Variants in TSHZ3 observed in about 807,000 individuals in gnomAD.
TSHZ3 encodes teashirt zinc finger homeobox 3.
A neutral mutation model predicts 64.5 loss-of-function variants in TSHZ3; 10 were observed. The observed-to-expected ratio is 0.16, with a 90% CI of 0.10 to 0.26. The LOEUF (loss-of-function observed/expected upper bound fraction) is 0.26. TSHZ3 is among the 10% of genes least tolerant of loss of function. The probability of loss-of-function intolerance (pLI) is 1.00; values close to 1 mark genes in which losing one functional copy is unlikely to be tolerated. For missense variants in TSHZ3, 1,242 were observed against 1,421.7 expected (o/e 0.87, Z 2.03); for synonymous variants, 608 against 593.1 (o/e 1.03, Z -0.36).
At chr19:31,172,272 G>A (rs1476493363) in intron 5 of TSHZ3, among the ~76,000 whole-genome samples, 4 of 152,112 alleles carry the variant, frequency 2.6e-5, no homozygotes, top group Non-Finnish European at 5.9e-5. Context: ...ATGCCTCAAT[G>A]TGCTCATCTG....
chr19:31,243,584 G>A (rs914387742), intron 1 of TSHZ3, among the ~76,000 whole-genome samples: 12 of 152,304 alleles, frequency 7.9e-5, no homozygotes, highest in Non-Finnish European at 1.0e-4. Flanking sequence ...CCTGCCGCCT[G>A]CATATGGGAT....
chr19:31,294,103 G>C (rs1049639464), intron 1 of TSHZ3, among the ~76,000 whole-genome samples: 1 of 152,178 alleles, frequency 6.6e-6, no homozygotes, highest in Non-Finnish European at 1.5e-5. Context: ...AAAACTTGGA[G>C]AGAAGATGTT....
chr19:31,332,623 T>A (rs1190910556), intron 1 of TSHZ3, among the ~76,000 whole-genome samples: 2 of 152,108 alleles, frequency 1.3e-5, no homozygotes, highest in African/African-American at 4.8e-5. Context: ...GACTCCAGTT[T>A]AGGGGACTGT....
At chr19:31,240,481 G>T (rs189727809) in intron 3 of TSHZ3, among the ~76,000 whole-genome samples, 2 of 152,016 alleles carry the variant, frequency 1.3e-5, no homozygotes, top group Admixed American at 6.6e-5. Flanking sequence ...ATTTGTTTCC[G>T]CATTTAATCT....
chr19:31,291,191 C>T (rs1170764876), intron 1 of TSHZ3, among the ~76,000 whole-genome samples: 1 of 152,174 alleles, frequency 6.6e-6, no homozygotes, highest in African/African-American at 2.4e-5. Flanking sequence ...AAGCCCCAGC[C>T]GGTTCAGAAG....
At chr19:31,197,712 CT>C (rs1975012796) in intron 5 of TSHZ3, among the ~76,000 whole-genome samples, 1 of 151,738 alleles carries the variant, frequency 6.6e-6, no homozygotes, top group Admixed American at 6.6e-5. Flanking sequence ...GATTAAGAAC[CT>C]ATTATTTGAA....
upstream of TSHZ3, among the ~76,000 whole-genome samples, chr19:31,350,637 T>TCCGGG (rs1401984545): frequency 4.6e-5 from 7 of 151,134 alleles, no homozygotes; most frequent in Admixed American, 6.6e-5. Context: ...TCGCTGAGGC[T>TCCGGG]CCGGGCCGGC....
At chr19:31,188,759 T>G (rs1226566115) in intron 5 of TSHZ3, among the ~76,000 whole-genome samples, 1 of 151,950 alleles carries the variant, frequency 6.6e-6, no homozygotes, top group Non-Finnish European at 1.5e-5. Flanking sequence ...TTTCTTTTAT[T>G]TTAATGTTCT....
chr19:31,322,921 T>G (rs1025707128), intron 1 of TSHZ3, among the ~76,000 whole-genome samples: 1 of 152,190 alleles, frequency 6.6e-6, no homozygotes, highest in African/African-American at 2.4e-5. Flanking sequence ...TAGCAATATA[T>G]GTCTATTGAT....
intron 5 of TSHZ3, among the ~76,000 whole-genome samples, chr19:31,179,690 TGTG>T (rs1207762540): frequency 2.7e-5 from 4 of 150,388 alleles, no homozygotes; most frequent in Non-Finnish European, 4.4e-5. Context: ...GAGTGATAAT[TGTG>T]GTGGTGGTGA....
intron 1 of TSHZ3, among the ~76,000 whole-genome samples, chr19:31,257,433 G>A (rs1975925917): frequency 6.6e-6 from 1 of 152,206 alleles, no homozygotes; most frequent in South Asian, 2.1e-4. Flanking sequence ...CGTAAGCAGG[G>A]ATGAGGGAAG....
At chr19:31,188,173 A>G (rs967972501) in intron 5 of TSHZ3, among the ~76,000 whole-genome samples, 59 of 151,396 alleles carry the variant, frequency 3.9e-4, no homozygotes, top group African/African-American at 1.4e-3. Flanking sequence ...TTAAATTTTT[A>G]TTTTCTAACT....
At chr19:31,330,769 C>T (rs555299319) in intron 1 of TSHZ3, among the ~76,000 whole-genome samples, 24 of 152,154 alleles carry the variant, frequency 1.6e-4, no homozygotes, top group African/African-American at 4.8e-4. Flanking sequence ...GAGAAGGCGA[C>T]CCCAGACCCC....
intron 1 of TSHZ3, among the ~76,000 whole-genome samples, chr19:31,320,559 CAT>C (rs1330970366): frequency 2.0e-5 from 3 of 152,232 alleles, no homozygotes; most frequent in Non-Finnish European, 4.4e-5. Context: ...TTGGGGGCCA[CAT>C]GTTTTATGAT....
intron 1 of TSHZ3, among the ~76,000 whole-genome samples, chr19:31,325,418 T>C (rs1916904414): frequency 1.3e-5 from 2 of 152,196 alleles, no homozygotes; most frequent in Non-Finnish European, 2.9e-5. Flanking sequence ...CTGAGATGAA[T>C]ACAGGGATTC....
chr19:31,256,015 T>A (rs575165823), intron 1 of TSHZ3, among the ~76,000 whole-genome samples: 3 of 152,030 alleles, frequency 2.0e-5, no homozygotes, highest in Non-Finnish European at 4.4e-5. Flanking sequence ...GGGGATGCAG[T>A]AGGAGAGCGC....
chr19:31,288,343 C>T (rs372749932), intron 1 of TSHZ3, among the ~76,000 whole-genome samples: 1 of 152,170 alleles, frequency 6.6e-6, no homozygotes, highest in African/African-American at 2.4e-5. Flanking sequence ...CTCTTCTCTG[C>T]TGCAGAATGT....
chr19:31,286,511 G>T (rs1976466781), intron 1 of TSHZ3, among the ~76,000 whole-genome samples: 1 of 152,194 alleles, frequency 6.6e-6, no homozygotes, highest in Non-Finnish European at 1.5e-5. Context: ...TCTCCATTTT[G>T]CAGACAAGGA....
intron 5 of TSHZ3, among the ~76,000 whole-genome samples, chr19:31,166,322 G>A (rs79044491): frequency 0.013 from 2,008 of 152,326 alleles, 45 homozygotes; most frequent in African/African-American, 0.045. Context: ...TTCTTAAAGA[G>A]GCAGTTGTCT....
Sources: gnomAD v4.1 joint callset for allele counts (sites outside exome capture counted in the v4.1 genomes callset) on GRCh38, gnomAD v4.1.1 for gene constraint, MANE v1.5 for transcripts, NCBI Gene and HGNC (gene_info 2026-07-23, HGNC 2026-07-21) for gene names.